COMMD10: variants seen among roughly 807,000 people sequenced by gnomAD.
The protein encoded by COMMD10 is COMM domain containing 10, also known as COMM domain-containing protein 10.
COMMD10 carries 33 observed loss-of-function variants against 28.9 expected under a neutral mutation model. The observed-to-expected ratio is 1.14, with a 90% confidence interval of 0.87 to 1.53. The LOEUF (loss-of-function observed/expected upper bound fraction) is 1.53. Among genes scored for constraint, COMMD10 ranks in the 40% most tolerant of loss-of-function variants. The probability of loss-of-function intolerance (pLI) is 0.00; values close to 1 mark genes in which losing one functional copy is unlikely to be tolerated. For synonymous variants in COMMD10, 110 were observed against 81.7 expected (o/e 1.35, Z -1.87); for missense variants, 310 against 233.4 (o/e 1.33, Z -2.14).
intron 5 of COMMD10, among the ~76,000 whole-genome samples, chr5:116,252,072 T>G (rs1750134280): frequency 6.7e-6 from 1 of 150,336 alleles, no homozygotes; most frequent in Admixed American, 6.6e-5. Context: ...TTTTTTCATG[T>G]GTGTTTTGGC....
intron 4 of COMMD10, among the ~76,000 whole-genome samples, chr5:116,094,688 G>A (rs1364834923): frequency 6.6e-6 from 1 of 152,136 alleles, no homozygotes; most frequent in East Asian, 1.9e-4. Flanking sequence ...TCAAAGGAAA[G>A]GAAATCGGTA....
At chr5:116,121,894 A>T (rs1460085943) in intron 4 of COMMD10, among the ~76,000 whole-genome samples, 2 of 152,092 alleles carry the variant, frequency 1.3e-5, no homozygotes, top group African/African-American at 4.8e-5. Context: ...CCGTTTTCAG[A>T]TGGGTAGATT....
chr5:116,185,263 G>T (rs1308867744), intron 5 of COMMD10, among the ~76,000 whole-genome samples: 1 of 152,062 alleles, frequency 6.6e-6, no homozygotes, highest in Non-Finnish European at 1.5e-5. Context: ...AAAATGGTCA[G>T]TTGTGCTCTG....
chr5:116,138,514 G>C (rs534123836), intron 5 of COMMD10, among the ~76,000 whole-genome samples: 1 of 151,606 alleles, frequency 6.6e-6, no homozygotes, highest in South Asian at 2.1e-4. Flanking sequence ...ATTAATCTTA[G>C]TACATTTTTT....
chr5:116,237,336 T>G (rs754661753), intron 5 of COMMD10, among the ~76,000 whole-genome samples: 8 of 152,200 alleles, frequency 5.3e-5, no homozygotes, highest in Non-Finnish European at 7.3e-5. Context: ...GGGAAGTGTT[T>G]ACAGAGTAGA....
At chr5:116,133,916 C>T (rs989496928) in intron 4 of COMMD10, 152 bp from the exon 5 acceptor site, 14 of 495,066 alleles carry the variant, frequency 2.8e-5, no homozygotes, top group East Asian at 6.4e-5. Flanking sequence ...AGGGAGAATT[C>T]GCAGAGTATG....
intron 4 of COMMD10, among the ~76,000 whole-genome samples, chr5:116,093,786 C>T (rs1227602118): frequency 6.6e-6 from 1 of 152,154 alleles, no homozygotes; most frequent in Non-Finnish European, 1.5e-5. Flanking sequence ...TATTACAAGG[C>T]TATAGTAACC....
intron 4 of COMMD10, among the ~76,000 whole-genome samples, chr5:116,114,449 C>G (rs562141726): frequency 6.6e-6 from 1 of 152,070 alleles, no homozygotes; most frequent in Admixed American, 6.5e-5. Context: ...GTGGCACTTG[C>G]AGATAGAAAC....
At chr5:116,085,532 G>A (rs1456017236) in intron 1 of COMMD10, 1 of 170,780 alleles carries the variant, frequency 5.9e-6, no homozygotes, top group African/African-American at 2.4e-5. Context: ...GCCAACATGT[G>A]TTAATACCCC....
intron 5 of COMMD10, among the ~76,000 whole-genome samples, chr5:116,161,161 C>T (rs1020267513): frequency 6.6e-6 from 1 of 152,038 alleles, no homozygotes; most frequent in Non-Finnish European, 1.5e-5. Context: ...ATCTAAATGT[C>T]TGAAAACTAC....
intron 5 of COMMD10, among the ~76,000 whole-genome samples, chr5:116,182,220 C>T (rs984416575): frequency 2.6e-5 from 4 of 151,940 alleles, no homozygotes; most frequent in African/African-American, 7.2e-5. Context: ...GCAACAACAA[C>T]AACAAAAAGT....
intron 4 of COMMD10, among the ~76,000 whole-genome samples, chr5:116,122,062 C>G (rs1432883648): frequency 1.3e-5 from 2 of 152,144 alleles, no homozygotes; most frequent in South Asian, 4.1e-4. Flanking sequence ...TTGCCCATGC[C>G]TATGTCCTGA....
intron 5 of COMMD10, among the ~76,000 whole-genome samples, chr5:116,179,695 T>G (rs1198490393): frequency 6.6e-6 from 1 of 152,140 alleles, no homozygotes; most frequent in Non-Finnish European, 1.5e-5. Flanking sequence ...GTAGTTTTTA[T>G]GGGATAGGCA....
intron 1 of COMMD10, among the ~76,000 whole-genome samples, 164 bp from the exon 2 acceptor site, chr5:116,087,333 A>C (rs4920904): frequency 0.64 from 97,291 of 152,018 alleles, 31,756 homozygotes; most frequent in Non-Finnish European, 0.72. Flanking sequence ...TTGGAAATGT[A>C]CCCGTTGCCC....
chr5:116,189,991 C>T (rs544197157), intron 5 of COMMD10, among the ~76,000 whole-genome samples: 2 of 152,192 alleles, frequency 1.3e-5, no homozygotes, highest in South Asian at 4.2e-4. Context: ...GTAGGGCTAC[C>T]TCCACCAATT....
chr5:116,161,249 G>C (rs753716200), intron 5 of COMMD10, among the ~76,000 whole-genome samples: 5 of 151,978 alleles, frequency 3.3e-5, no homozygotes, highest in African/African-American at 1.2e-4. Flanking sequence ...TCTTATCTTC[G>C]TCATCTTTAA....
intron 5 of COMMD10, among the ~76,000 whole-genome samples, chr5:116,205,804 G>A (rs191653393): frequency 6.6e-5 from 10 of 152,164 alleles, no homozygotes; most frequent in Admixed American, 6.5e-4. Context: ...GAACACTTGA[G>A]TATTTTTAAT....
rs150332572 is a variant in COMMD10, at chr5:116,278,558, T to C, written c.511-12959T>C. On this transcript the variant is annotated intron_variant, in intron 5 of 6. Transcript: ENST00000274458. The stretch of plus-strand genomic sequence containing the variant: ...TTAGCCAAACTCAAAATGTAACATA[T>C]AGACAACAAGTCAAGTGACCTAATA... Among the ~76,000 whole-genome samples, 260 of 151,962 alleles carry C rather than the reference T, an allele frequency of 1.7e-3. 3 individuals carry two copies. The highest frequency in any genetic ancestry group is 2.5e-3 in the Non-Finnish European group (173 of 68,002).
chr5:116,228,309 T>C (rs960281594), intron 5 of COMMD10, among the ~76,000 whole-genome samples: 1 of 151,964 alleles, frequency 6.6e-6, no homozygotes, highest in Non-Finnish European at 1.5e-5. Context: ...TTTTGATAGC[T>C]AACATCATTT....
Sources: gnomAD v4.1 joint callset for allele counts (sites outside exome capture counted in the v4.1 genomes callset) on GRCh38, gnomAD v4.1.1 for gene constraint, MANE v1.5 for transcripts, NCBI Gene and HGNC (gene_info 2026-07-23, HGNC 2026-07-21) for gene names.